The following RBFOX1 variants were observed in gnomAD, a reference collection of about 807,000 sequenced individuals.
RBFOX1 encodes RNA binding fox-1 homolog 1.
In RBFOX1, 8 loss-of-function variants were observed where a neutral mutation model predicts 57.7. That is an observed-to-expected ratio of 0.14 (90% CI 0.08 to 0.25). The LOEUF (loss-of-function observed/expected upper bound fraction) is 0.25, where lower values mean the gene tolerates loss of function less well. Ranked by LOEUF, RBFOX1 falls within the 10% of genes least tolerant of loss-of-function variation. The pLI is 1.00. For missense variants in RBFOX1, 611 were observed against 548.5 expected, an observed-to-expected ratio of 1.11 and a Z score of -1.14; for synonymous variants, 326 against 222.4, an observed-to-expected ratio of 1.47 and a Z score of -4.15.
At chr16:6,584,340 CATTATTATT>C (rs3045200) in intron 2 of RBFOX1, among the ~76,000 whole-genome samples, 5,915 of 136,748 alleles carry the variant, frequency 0.043, 305 homozygotes, top group African/African-American at 0.12. Flanking sequence ...GTTTTATTTT[CATTATTATT>C]ATTATTATTA....
chr16:7,073,550 G>C (rs534254338), intron 4 of RBFOX1, among the ~76,000 whole-genome samples: 14 of 152,076 alleles, frequency 9.2e-5, no homozygotes, highest in African/African-American at 3.4e-4. Context: ...GTCCAGTAAT[G>C]ATAAATACCA....
intron 3 of RBFOX1, among the ~76,000 whole-genome samples, chr16:6,683,745 G>A (rs911795034): frequency 1.3e-5 from 2 of 152,162 alleles, no homozygotes; most frequent in Admixed American, 6.5e-5. Flanking sequence ...AGTTCAGGTA[G>A]TGCCCATCAG....
chr16:6,947,214 C>T (rs2079720215), intron 3 of RBFOX1, among the ~76,000 whole-genome samples: 1 of 152,162 alleles, frequency 6.6e-6, no homozygotes, highest in African/African-American at 2.4e-5. Flanking sequence ...TTATGGCTGT[C>T]TTTTAGGAAT....
At chr16:7,328,524 G>GTA (rs2096643451) in intron 4 of RBFOX1, 1 of 148,576 alleles carries the variant, frequency 6.7e-6, no homozygotes, top group Non-Finnish European at 1.5e-5. Context: ...GGGAGATGCA[G>GTA]TATCTGACAG....
At chr16:7,164,013 T>G (rs894916851) in intron 4 of RBFOX1, among the ~76,000 whole-genome samples, 2 of 152,168 alleles carry the variant, frequency 1.3e-5, no homozygotes, top group Non-Finnish European at 2.9e-5. Flanking sequence ...AGGTGTTTGG[T>G]TACACGAATA....
chr16:7,611,673 G>A (rs1040477603), intron 10 of RBFOX1, among the ~76,000 whole-genome samples: 7 of 152,040 alleles, frequency 4.6e-5, no homozygotes, highest in Admixed American at 2.0e-4. Context: ...GGGTGGGGGC[G>A]AGGCAGGAAG....
chr16:7,162,419 G>C (rs1337475045), intron 4 of RBFOX1, among the ~76,000 whole-genome samples: 1 of 151,858 alleles, frequency 6.6e-6, no homozygotes, highest in Non-Finnish European at 1.5e-5. Context: ...CCATTGTGCA[G>C]GTTCTAAAAA....
intron 1 of RBFOX1, among the ~76,000 whole-genome samples, chr16:6,142,550 C>G (rs1045928190): frequency 6.6e-6 from 1 of 152,094 alleles, no homozygotes; most frequent in Non-Finnish European, 1.5e-5. Context: ...GAAAAACACT[C>G]AGAACATTCC....
At chr16:5,696,449 T>C (rs1470619074) in intron 3 of RBFOX1, among the ~76,000 whole-genome samples, 3 of 152,218 alleles carry the variant, frequency 2.0e-5, no homozygotes, top group Admixed American at 6.5e-5. Context: ...TTTTTACTTA[T>C]TCAAGGCTGT....
intron 3 of RBFOX1, among the ~76,000 whole-genome samples, chr16:6,831,602 G>C (rs1325556998): frequency 6.6e-6 from 1 of 152,120 alleles, no homozygotes; most frequent in Non-Finnish European, 1.5e-5. Flanking sequence ...TTTTCAACAA[G>C]AGCCAGGGCT....
intron 4 of RBFOX1, among the ~76,000 whole-genome samples, chr16:7,110,356 G>C (rs958395877): frequency 2.0e-4 from 30 of 151,614 alleles, no homozygotes; most frequent in Non-Finnish European, 3.8e-4. Flanking sequence ...GCAAGATCCT[G>C]ACTCTTAAAA....
chr16:5,756,256 C>T (rs1319188607), intron 3 of RBFOX1, among the ~76,000 whole-genome samples: 2 of 145,192 alleles, frequency 1.4e-5, no homozygotes, highest in South Asian at 2.2e-4. Flanking sequence ...AAACCCTGCA[C>T]CACCTCCTGC....
intron 3 of RBFOX1, among the ~76,000 whole-genome samples, chr16:6,973,120 G>T (rs75245261): frequency 6.7e-6 from 1 of 150,066 alleles, no homozygotes; most frequent in Non-Finnish European, 1.5e-5. Context: ...GACGGAGCAA[G>T]ACTCCATTGT....
intron 1 of RBFOX1, among the ~76,000 whole-genome samples, chr16:6,168,624 G>A (rs1178523281): frequency 1.3e-5 from 2 of 152,252 alleles, no homozygotes; most frequent in South Asian, 2.1e-4. Context: ...TAAGATCGCT[G>A]CTAAGACCTT....
chr16:5,259,774 G>A (rs536004590), intron 1 of RBFOX1, among the ~76,000 whole-genome samples: 1 of 152,208 alleles, frequency 6.6e-6, no homozygotes, highest in Non-Finnish European at 1.5e-5. Flanking sequence ...CAGCAGAGCT[G>A]CCAAAAGCGT....
chr16:6,436,075 C>T (rs1486511640), intron 2 of RBFOX1, among the ~76,000 whole-genome samples: 1 of 152,030 alleles, frequency 6.6e-6, no homozygotes, highest in East Asian at 1.9e-4. Flanking sequence ...AACTCTGGCT[C>T]CTGGAAACAG....
intron 4 of RBFOX1, among the ~76,000 whole-genome samples, chr16:7,091,945 A>G (rs1003425381): frequency 6.6e-6 from 1 of 152,218 alleles, no homozygotes; most frequent in Non-Finnish European, 1.5e-5. Context: ...CAGAAACAAC[A>G]TCTGCCCATT....
intron 2 of RBFOX1, among the ~76,000 whole-genome samples, chr16:5,496,857 A>G (rs910562553): frequency 1.3e-5 from 2 of 152,258 alleles, no homozygotes; most frequent in Non-Finnish European, 2.9e-5. Flanking sequence ...ATTTCTGCTC[A>G]GTAGAAAGAC....
At chr16:6,427,749 A>G (rs192792342) in intron 2 of RBFOX1, among the ~76,000 whole-genome samples, 5 of 152,308 alleles carry the variant, frequency 3.3e-5, no homozygotes, top group Admixed American at 2.6e-4. Context: ...CAGTTGTATT[A>G]TCAGTGTGAT....
Sources: gnomAD v4.1 joint callset for allele counts (sites outside exome capture counted in the v4.1 genomes callset) on GRCh38, gnomAD v4.1.1 for gene constraint, MANE v1.5 for transcripts, NCBI Gene and HGNC (gene_info 2026-07-23, HGNC 2026-07-21) for gene names.